Variants in RIN2 observed in about 807,000 individuals in gnomAD.
The protein encoded by RIN2 is Ras and Rab interactor 2.
In RIN2, 36 loss-of-function variants were observed where a neutral mutation model predicts 78.0. The ratio of observed to expected loss-of-function variants is 0.46; its 90% CI spans 0.35 to 0.61. The LOEUF (loss-of-function observed/expected upper bound fraction) is 0.61. Among genes scored for constraint, RIN2 ranks in the 20% least tolerant of loss-of-function variants. The pLI, the probability that RIN2 is intolerant of heterozygous loss-of-function variation, is 0.00. For synonymous variants in RIN2, 466 were observed against 466.8 expected (o/e 1.00, Z 0.02); for missense variants, 1,087 against 1,159.7 (o/e 0.94, Z 0.91).
chr20:19,898,556 CA>C (rs2038841944), intron 3 of RIN2, among the ~76,000 whole-genome samples: 1 of 152,186 alleles, frequency 6.6e-6, no homozygotes, highest in African/African-American at 2.4e-5. Flanking sequence ...TATTTGTAGT[CA>C]ACTTAGAAAG....
At position 19,899,005 on chromosome 20, in the gene RIN2, C is replaced by T. The variant is rs150049063; in HGVS notation, c.57+9347C>T. Among the ~76,000 whole-genome samples, 259 of 152,302 alleles carry T rather than the reference C, an allele frequency of 1.7e-3. 1 individual carries two copies. Among genetic ancestry groups the T allele is most frequent in the East Asian group, 7.5e-3 (39 of 5,182 alleles). On this transcript the variant is annotated intron_variant, in intron 3 of 12. Transcript: ENST00000255006. ...TCAGAGGAAAATTCATAGCACTAAA[C>T]ACTTTTTATCAGAAAAAACACGCCC...
At chr20:19,841,814 T>C (rs1363702070) in intron 2 of RIN2, among the ~76,000 whole-genome samples, 1 of 152,176 alleles carries the variant, frequency 6.6e-6, no homozygotes, top group Non-Finnish European at 1.5e-5. Flanking sequence ...ACAAAGTTAG[T>C]TCATGAGATT....
chr20:19,870,631 C>T (rs901548152), intron 2 of RIN2, among the ~76,000 whole-genome samples: 8 of 152,116 alleles, frequency 5.3e-5, no homozygotes, highest in African/African-American at 1.7e-4. Flanking sequence ...TGGGCTATAG[C>T]ATTAGACTCT....
chr20:19,916,133 G>A (rs146484942), intron 3 of RIN2, among the ~76,000 whole-genome samples: 5 of 151,558 alleles, frequency 3.3e-5, no homozygotes, highest in African/African-American at 1.2e-4. Flanking sequence ...CCAGCTACTC[G>A]GGAGGCTGAG....
intron 2 of RIN2, among the ~76,000 whole-genome samples, chr20:19,836,637 A>C (rs1293232522): frequency 6.6e-6 from 1 of 151,782 alleles, no homozygotes; most frequent in Non-Finnish European, 1.5e-5. Flanking sequence ...ATCTTTCTTC[A>C]TTTCTCCTAT....
intron 2 of RIN2, among the ~76,000 whole-genome samples, chr20:19,817,625 A>C (rs8118523): frequency 0.29 from 43,677 of 152,160 alleles, 6,703 homozygotes; most frequent in African/African-American, 0.41. Context: ...TGTGAATAAT[A>C]TTTATGGATC....
intron 1 of RIN2, among the ~76,000 whole-genome samples, chr20:19,772,296 T>C (rs2034157918): frequency 6.6e-6 from 1 of 152,190 alleles, no homozygotes; most frequent in Non-Finnish European, 1.5e-5. Context: ...AGTGCATCGG[T>C]GCTCACTGTC....
intron 3 of RIN2, chr20:19,895,718 C>T (rs958086262): frequency 2.6e-5 from 4 of 152,118 alleles, no homozygotes; most frequent in African/African-American, 9.7e-5. Flanking sequence ...AGGTGCATCA[C>T]GATTGTGTTT....
intron 2 of RIN2, among the ~76,000 whole-genome samples, chr20:19,887,033 T>C (rs1241597089): frequency 1.3e-5 from 2 of 151,994 alleles, no homozygotes; most frequent in African/African-American, 4.8e-5. Flanking sequence ...GAACTTTTTT[T>C]TTTTTCTTTC....
At chr20:19,758,894 G>A (rs895916298) in intron 1 of RIN2, among the ~76,000 whole-genome samples, 2 of 152,208 alleles carry the variant, frequency 1.3e-5, no homozygotes, top group African/African-American at 2.4e-5. Context: ...TTCCTCCCCC[G>A]GGTGGAAAAG....
At chr20:19,957,435 G>A (rs1044194352) in intron 5 of RIN2, among the ~76,000 whole-genome samples, 2 of 152,074 alleles carry the variant, frequency 1.3e-5, no homozygotes, top group South Asian at 4.1e-4. Flanking sequence ...CCAGCACTTT[G>A]GGAGGCCAAG....
intron 12 of RIN2, among the ~76,000 whole-genome samples, chr20:19,999,688 G>A (rs1474834492): frequency 6.6e-6 from 1 of 152,202 alleles, no homozygotes; most frequent in Non-Finnish European, 1.5e-5. Flanking sequence ...CTTTATGCCT[G>A]GTCTGGGCTT....
At chr20:19,844,600 C>CTT (rs1568806946) in intron 2 of RIN2, among the ~76,000 whole-genome samples, 14 of 74,896 alleles carry the variant, frequency 1.9e-4, no homozygotes, top group Admixed American at 7.8e-4. Flanking sequence ...GCTGCTTCTT[C>CTT]CTCTTCTTCT....
chr20:19,827,332 C>T (rs2036123618), intron 2 of RIN2, among the ~76,000 whole-genome samples: 1 of 152,326 alleles, frequency 6.6e-6, no homozygotes, highest in South Asian at 2.1e-4. Context: ...TATGGCTAAA[C>T]TGACATAGCT....
intron 8 of RIN2, among the ~76,000 whole-genome samples, chr20:19,972,840 T>C (rs2042150347): frequency 1.3e-5 from 2 of 152,200 alleles, no homozygotes; most frequent in South Asian, 2.1e-4. Flanking sequence ...AATAGAAACA[T>C]AAGGCTAATC....
intron 1 of RIN2, among the ~76,000 whole-genome samples, chr20:19,784,682 T>C (rs1460032475): frequency 6.6e-6 from 1 of 152,052 alleles, no homozygotes; most frequent in Non-Finnish European, 1.5e-5. Flanking sequence ...AGTATCCAGG[T>C]CCAGCCAGGC....
At chr20:19,968,115 A>G (rs1340593882) in intron 7 of RIN2, among the ~76,000 whole-genome samples, 1 of 152,138 alleles carries the variant, frequency 6.6e-6, no homozygotes, top group Non-Finnish European at 1.5e-5. Flanking sequence ...AGCTCTGCGA[A>G]GGTGTGCTAG....
intron 1 of RIN2, among the ~76,000 whole-genome samples, chr20:19,769,849 A>T (rs1332853323): frequency 6.6e-6 from 1 of 152,246 alleles, no homozygotes; most frequent in Non-Finnish European, 1.5e-5. Context: ...GGTGGAAATC[A>T]ACCTCTTTTG....
At chr20:19,847,138 G>A (rs2036811152) in intron 2 of RIN2, among the ~76,000 whole-genome samples, 1 of 152,166 alleles carries the variant, frequency 6.6e-6, no homozygotes, top group Non-Finnish European at 1.5e-5. Context: ...ATAGGATAAT[G>A]GCACAGCTGA....
Sources: gnomAD v4.1 joint callset for allele counts (sites outside exome capture counted in the v4.1 genomes callset) on GRCh38, gnomAD v4.1.1 for gene constraint, MANE v1.5 for transcripts, NCBI Gene and HGNC (gene_info 2026-07-23, HGNC 2026-07-21) for gene names.